ASTN1: variants seen among roughly 807,000 people sequenced by gnomAD.
The protein encoded by ASTN1 is astrotactin-1.
ASTN1 carries 41 observed loss-of-function variants against 140.7 expected under a neutral mutation model. The observed-to-expected ratio is 0.29, with a 90% CI of 0.23 to 0.38. The LOEUF is 0.38. ASTN1 is among the 10% of genes least tolerant of loss of function. The pLI is 1.00. For missense variants in ASTN1, 1,479 were observed against 1,678.8 expected (o/e 0.88, Z 2.08); for synonymous variants, 640 against 652.2 (o/e 0.98, Z 0.29).
intron 9 of ASTN1, among the ~76,000 whole-genome samples, chr1:176,959,497 T>C (rs2103132623): frequency 6.6e-6 from 1 of 151,842 alleles, no homozygotes; most frequent in East Asian, 1.9e-4. Flanking sequence ...GAAACCAGAT[T>C]GATGACTTCA....
At chr1:176,927,010 T>G (rs914537603) in intron 16 of ASTN1, among the ~76,000 whole-genome samples, 6 of 152,200 alleles carry the variant, frequency 3.9e-5, no homozygotes, top group Non-Finnish European at 5.9e-5. Context: ...TTCCTGGGCT[T>G]TATCCACATA....
chr1:177,101,323 G>A (rs1680289990), intron 1 of ASTN1, among the ~76,000 whole-genome samples: 1 of 152,130 alleles, frequency 6.6e-6, no homozygotes. Context: ...TCAACAGTAG[G>A]ATGGATAAAT....
intron 1 of ASTN1, among the ~76,000 whole-genome samples, chr1:177,126,606 A>G (rs913847617): frequency 2.0e-5 from 3 of 152,180 alleles, no homozygotes; most frequent in Admixed American, 2.0e-4. Flanking sequence ...GGCCCCAAAG[A>G]GTGGGATACC....
At chr1:177,008,361 A>C (rs914705981) in intron 8 of ASTN1, among the ~76,000 whole-genome samples, 3 of 150,734 alleles carry the variant, frequency 2.0e-5, no homozygotes, top group Non-Finnish European at 4.4e-5. Flanking sequence ...CTAGGGGAAG[A>C]GGAGAAGATA....
chr1:176,931,195 G>A (rs908352152), intron 16 of ASTN1, among the ~76,000 whole-genome samples: 1 of 152,164 alleles, frequency 6.6e-6, no homozygotes, highest in Non-Finnish European at 1.5e-5. Context: ...AGCTGGGCAC[G>A]GTGGCTCACG....
chr1:176,887,930 T>C, intron 18 of ASTN1, 141 bp downstream of exon 18: 1 of 1,206,976 alleles, frequency 8.3e-7, no homozygotes, highest in Non-Finnish European at 1.1e-6. Flanking sequence ...CTGCCTCCCT[T>C]GGTAGATTGA....
intron 11 of ASTN1, among the ~76,000 whole-genome samples, chr1:176,953,546 C>G (rs1672280672): frequency 6.6e-6 from 1 of 152,188 alleles, no homozygotes; most frequent in African/African-American, 2.4e-5. Context: ...TATATTTCAG[C>G]AGTGATAGCT....
At chr1:176,876,210 A>G (rs1668552049) in intron 21 of ASTN1, among the ~76,000 whole-genome samples, 1 of 152,210 alleles carries the variant, frequency 6.6e-6, no homozygotes, top group South Asian at 2.1e-4. Flanking sequence ...TGACCCTATC[A>G]GTATCCTGAG....
At chr1:176,904,196 C>CT (rs1448564345) in intron 16 of ASTN1, among the ~76,000 whole-genome samples, 1 of 152,142 alleles carries the variant, frequency 6.6e-6, no homozygotes, top group Non-Finnish European at 1.5e-5. Context: ...CCTTCCCTGA[C>CT]CCACAGCCTG....
intron 1 of ASTN1, among the ~76,000 whole-genome samples, chr1:177,065,672 A>G (rs955426567): frequency 5.9e-5 from 9 of 152,184 alleles, no homozygotes; most frequent in Non-Finnish European, 1.2e-4. Flanking sequence ...GTTAAGCTGC[A>G]GGGGGGATGA....
rs1010960882 is a variant in ASTN1 at position 176,933,356 on chromosome 1, A to G, written c.2671+796T>C. Among the ~76,000 whole-genome samples, 5 of 152,146 alleles carry G rather than the reference A, an allele frequency of 3.3e-5. No individual in the cohort carries two copies. The East Asian group carries it at 5.8e-4, about 18-fold the overall frequency. ...AAGATGGCCCATTTCTTGAGTTTTTATTGTGCTAATTCATCACTTGCCCTT... is the reference window on the plus strand; with the variant it reads ...AAGATGGCCCATTTCTTGAGTTTTTGTTGTGCTAATTCATCACTTGCCCTT... On this transcript the variant is annotated intron_variant, in intron 16 of 22. Coordinates refer to ENST00000361833, the MANE Select transcript of ASTN1 (RefSeq NM_004319.3).
intron 1 of ASTN1, among the ~76,000 whole-genome samples, chr1:177,143,391 G>A (rs760125397): frequency 2.6e-5 from 4 of 152,130 alleles, no homozygotes; most frequent in Admixed American, 6.5e-5. Flanking sequence ...ATGGCCACGC[G>A]CAGGGACTTT....
intron 8 of ASTN1, among the ~76,000 whole-genome samples, chr1:177,007,328 G>T (rs1170698325): frequency 1.3e-5 from 2 of 152,106 alleles, no homozygotes; most frequent in African/African-American, 4.8e-5. Context: ...GGAGGTGAAG[G>T]TTGCGTGAGC....
chr1:176,881,151 C>G (rs6699947), intron 20 of ASTN1, among the ~76,000 whole-genome samples: 36,161 of 152,156 alleles, frequency 0.24, 7,353 homozygotes, highest in African/African-American at 0.56. Context: ...GCCTCCCACA[C>G]GGCCCTCTTC....
At chr1:177,088,359 G>A (rs1679577787) in intron 1 of ASTN1, among the ~76,000 whole-genome samples, 1 of 152,134 alleles carries the variant, frequency 6.6e-6, no homozygotes, top group Admixed American at 6.5e-5. Context: ...TTGGTGCTCT[G>A]CATTCCACAA....
intron 1 of ASTN1, among the ~76,000 whole-genome samples, chr1:177,139,719 A>C (rs1388889564): frequency 6.6e-6 from 1 of 152,200 alleles, no homozygotes; most frequent in African/African-American, 2.4e-5. Flanking sequence ...TACAGAGAGC[A>C]TCAAGAGGGT....
chr1:177,045,908 CAGA>C (rs72420725), intron 2 of ASTN1, among the ~76,000 whole-genome samples: 85,734 of 151,604 alleles, frequency 0.57, 24,621 homozygotes, highest in Non-Finnish European at 0.61. Context: ...GTAGCTGCTA[CAGA>C]CACATGCTTT....
chr1:176,900,528 T>C (rs1363659019), intron 16 of ASTN1, among the ~76,000 whole-genome samples: 2 of 152,140 alleles, frequency 1.3e-5, no homozygotes, highest in African/African-American at 2.4e-5. Flanking sequence ...CCCCACACCA[T>C]CCACTTCTCT....
chr1:176,999,875 T>C (rs539928987), intron 8 of ASTN1, among the ~76,000 whole-genome samples: 4 of 152,298 alleles, frequency 2.6e-5, no homozygotes, highest in Non-Finnish European at 5.9e-5. Flanking sequence ...CCATCCACCA[T>C]GTTTATAAGA....
Sources: gnomAD v4.1 joint callset for allele counts (sites outside exome capture counted in the v4.1 genomes callset) on GRCh38, gnomAD v4.1.1 for gene constraint, MANE v1.5 for transcripts, NCBI Gene and HGNC (gene_info 2026-07-23, HGNC 2026-07-21) for gene names.